Variants in P3H2 observed in about 807,000 individuals in gnomAD.
P3H2 encodes prolyl 3-hydroxylase 2.
Under a neutral mutation model 87.0 loss-of-function variants are expected in P3H2, and 80 were observed. That is an observed-to-expected ratio of 0.92 (90% CI 0.77 to 1.11). The LOEUF is 1.11. Ranked by LOEUF, P3H2 falls within the 50% of genes least tolerant of loss-of-function variation. The probability of loss-of-function intolerance (pLI) is 0.00; values close to 1 mark genes in which losing one functional copy is unlikely to be tolerated. For synonymous variants in P3H2, 367 were observed against 359.3 expected (o/e 1.02, Z -0.24); for missense variants, 1,001 against 923.9 (o/e 1.08, Z -1.08).
chr3:190,005,978 C>T (rs554139661), intron 1 of P3H2, among the ~76,000 whole-genome samples: 1 of 152,306 alleles, frequency 6.6e-6, no homozygotes, highest in African/African-American at 2.4e-5. Flanking sequence ...TATAAGTATC[C>T]AGCCACAGCA....
chr3:190,069,890 G>A (rs1404311459), intron 1 of P3H2, among the ~76,000 whole-genome samples: 1 of 151,450 alleles, frequency 6.6e-6, no homozygotes, highest in Non-Finnish European at 1.5e-5. Flanking sequence ...AATTAGCATG[G>A]ATTGTGGAGA....
chr3:190,102,746 G>A (rs994682237), intron 1 of P3H2, among the ~76,000 whole-genome samples: 1 of 152,200 alleles, frequency 6.6e-6, no homozygotes, highest in Non-Finnish European at 1.5e-5. Flanking sequence ...GACCACTTTG[G>A]AAAGAAGTTT....
At chr3:190,039,345 C>G (rs1336067387) in intron 1 of P3H2, among the ~76,000 whole-genome samples, 2 of 151,956 alleles carry the variant, frequency 1.3e-5, no homozygotes, top group African/African-American at 4.8e-5. Context: ...AGCACATATT[C>G]AATTTTAATA....
intron 1 of P3H2, among the ~76,000 whole-genome samples, chr3:190,027,108 C>A (rs574909921): frequency 4.6e-5 from 7 of 152,144 alleles, no homozygotes; most frequent in Admixed American, 4.6e-4. Context: ...TATGACAAAA[C>A]TGAGGCACTG....
At chr3:190,000,233 C>T (rs1724168770) in intron 1 of P3H2, among the ~76,000 whole-genome samples, 3 of 152,186 alleles carry the variant, frequency 2.0e-5, no homozygotes, top group African/African-American at 4.8e-5. Flanking sequence ...AGAAACTGAA[C>T]TTCTCTAAGT....
intron 1 of P3H2, among the ~76,000 whole-genome samples, chr3:190,097,169 A>T (rs998719567): frequency 6.6e-6 from 1 of 152,212 alleles, no homozygotes; most frequent in South Asian, 2.1e-4. Flanking sequence ...ATGAGAGGTG[A>T]TTATCTTCCT....
chr3:189,967,506 T>C (rs1192957344), intron 13 of P3H2, among the ~76,000 whole-genome samples: 1 of 149,584 alleles, frequency 6.7e-6, no homozygotes, highest in African/African-American at 2.5e-5. Context: ...TCTGACTTTC[T>C]TTGAAACTGC....
At chr3:190,012,926 AG>A in intron 1 of P3H2, among the ~76,000 whole-genome samples, 1 of 152,224 alleles carries the variant, frequency 6.6e-6, no homozygotes, top group South Asian at 2.1e-4. Flanking sequence ...AAGTCCGCTT[AG>A]CTCATAAAAA....
chr3:190,060,288 A>G (rs1422773438), intron 1 of P3H2, among the ~76,000 whole-genome samples: 1 of 152,296 alleles, frequency 6.6e-6, no homozygotes, highest in East Asian at 1.9e-4. Context: ...GCTAAATCCT[A>G]ATGCAAAGCA....
chr3:190,076,180 TGCACACACAC>T (rs1560390380), intron 1 of P3H2, among the ~76,000 whole-genome samples: 1 of 150,358 alleles, frequency 6.7e-6, no homozygotes, highest in African/African-American at 2.4e-5. Context: ...CAAACACACA[TGCACACACAC>T]ACACACATAC....
At chr3:190,109,689 G>C (rs952833055) in intron 1 of P3H2, among the ~76,000 whole-genome samples, 4 of 152,114 alleles carry the variant, frequency 2.6e-5, no homozygotes, top group Non-Finnish European at 4.4e-5. Flanking sequence ...ATCTTGAAGA[G>C]AGAAGCTCTA....
intron 13 of P3H2, among the ~76,000 whole-genome samples, chr3:189,964,568 GCTTT>G (rs1722920422): frequency 6.6e-6 from 1 of 152,196 alleles, no homozygotes. Context: ...GAGCGTATAC[GCTTT>G]CTAATTTTTA....
chr3:189,969,147 C>T (rs974281801), intron 13 of P3H2: 6 of 598,000 alleles, frequency 1.0e-5, no homozygotes, highest in South Asian at 3.6e-5. Flanking sequence ...CATTTTCTTT[C>T]GGGGTCTGTA....
chr3:190,098,250 C>G (rs1306951220), intron 1 of P3H2, among the ~76,000 whole-genome samples: 1 of 152,102 alleles, frequency 6.6e-6, no homozygotes, highest in African/African-American at 2.4e-5. Flanking sequence ...CCCCATTTTA[C>G]AGAAGGAGAA....
Position 190,120,637 on chromosome 3 carries a change from C to G in P3H2, c.95G>C (p.Arg32Pro). The stretch of plus-strand genomic sequence containing the variant: ...AGGCCCGGGCTCCAGCTCCAGCTCC[C>G]GGCGTGGGCTGTCCGGGGGGCCGCC... The part of the protein sequence containing the change: ...LWGGPPDSPR[R>P]ELELEPGPLQ... Residue 32 changes from arginine to proline, a missense_variant, in exon 1 of 15, where the codon CGG becomes CCG. Physicochemically the swap from Arg to Pro is moderately radical, Grantham distance 103. Coordinates refer to ENST00000319332, the MANE Select transcript of P3H2 (RefSeq NM_018192.4). 1 of 1,528,992 alleles carries G rather than the reference C, an allele frequency of 6.5e-7. No individual in the cohort carries two copies. The highest frequency in any genetic ancestry group is 8.7e-7 in the Non-Finnish European group (1 of 1,145,990). 94.7% of individuals were successfully genotyped at this position (1,528,992 alleles called of 1,614,324 possible).
rs1430348686 is a variant in P3H2 at position 190,120,589 on chromosome 3, T to G, written c.143A>C (p.Tyr48Ser). The change falls in exon 1 of 15, where the codon TAC (tyrosine) becomes TCC (serine). Residue 48 changes from tyrosine (Y) to serine (S), a missense_variant. Tyr to Ser is a moderately radical substitution (Grantham distance 144). Coordinates refer to ENST00000319332, the MANE Select transcript of P3H2 (RefSeq NM_018192.4). ...PGPLQPFDLL[Y>S]ASGAAAYYSG... ...GTAGTAGGCGGCCGCGCCGCTGGCG[T>G]AGAGCAGGTCGAAGGGCTGCAGAGG... is the stretch of plus-strand genomic sequence containing the variant. The G allele has an allele frequency of 2.6e-6, 4 of 1,546,468 alleles. No individual in the cohort carries two copies. The highest frequency in any genetic ancestry group is 2.6e-6 in the Non-Finnish European group (3 of 1,156,350).
At chr3:190,004,977 T>A (rs1201131628) in intron 1 of P3H2, among the ~76,000 whole-genome samples, 1 of 152,220 alleles carries the variant, frequency 6.6e-6, no homozygotes, top group African/African-American at 2.4e-5. Context: ...TCAAACTGTA[T>A]GTCACAATCA....
intron 1 of P3H2, among the ~76,000 whole-genome samples, chr3:190,076,228 T>A (rs1170904427): frequency 6.6e-6 from 1 of 151,632 alleles, no homozygotes; most frequent in African/African-American, 2.4e-5. Context: ...TAAACACAAG[T>A]GTCCTTAATT....
Position 189,996,701 on chromosome 3 carries a change from T to C in P3H2, c.481-1259A>G, listed in dbSNP as rs138485381. 3.9e-5 allele frequency among the ~76,000 whole-genome samples: 6 copies of C among 152,184 alleles called. No individual in the cohort carries two copies. In the East Asian group the frequency reaches 7.7e-4, roughly 20 times the overall value. On this transcript the variant is annotated intron_variant, in intron 1 of 14. Coordinates refer to ENST00000319332, the MANE Select transcript of P3H2 (RefSeq NM_018192.4). ...AATCATCATACAATGAATACACATA[T>C]GGAAACATCACACTGTACCCGTAAT...
Sources: allele counts gnomAD v4.1 joint callset (sites outside exome capture counted in the v4.1 genomes callset), GRCh38; gene constraint gnomAD v4.1.1; transcripts MANE v1.5; gene names NCBI Gene and HGNC (gene_info 2026-07-23, HGNC 2026-07-21).